EDARADD: variants seen among roughly 807,000 people sequenced by gnomAD.
EDARADD encodes the protein ectodysplasin-A receptor-associated adapter protein.
Under a neutral mutation model 25.6 loss-of-function variants are expected in EDARADD, and 20 were observed. The ratio of observed to expected loss-of-function variants is 0.78; its 90% CI spans 0.55 to 1.14. EDARADD has a LOEUF of 1.14. Ranked by LOEUF, EDARADD falls within the 50% of genes most tolerant of loss-of-function variation. The probability of loss-of-function intolerance (pLI) is 0.00; values close to 1 mark genes in which losing one functional copy is unlikely to be tolerated. For synonymous variants in EDARADD, 86 were observed against 94.4 expected, an observed-to-expected ratio of 0.91 and a Z score of 0.52; for missense variants, 225 against 270.1, an observed-to-expected ratio of 0.83 and a Z score of 1.17.
At chr1:236,394,717 G>C (rs536011208) in intron 1 of EDARADD, among the ~76,000 whole-genome samples, 2 of 152,098 alleles carry the variant, frequency 1.3e-5, no homozygotes, top group Non-Finnish European at 2.9e-5. Context: ...AATGCCTGTC[G>C]CCTTCCTATA....
chr1:236,476,947 G>T (rs934276706), intron 5 of EDARADD, among the ~76,000 whole-genome samples: 23 of 151,054 alleles, frequency 1.5e-4, no homozygotes, highest in African/African-American at 4.9e-4. Flanking sequence ...AGCCATAATT[G>T]CAGCACTGCA....
intron 3 of EDARADD, among the ~76,000 whole-genome samples, chr1:236,420,160 T>C (rs1450454559): frequency 3.9e-5 from 6 of 152,226 alleles, no homozygotes; most frequent in African/African-American, 1.4e-4. Flanking sequence ...CACTCCACCC[T>C]GGACAACAAA....
At chr1:236,458,920 C>T (rs1658959139) in intron 4 of EDARADD, among the ~76,000 whole-genome samples, 1 of 151,830 alleles carries the variant, frequency 6.6e-6, no homozygotes, top group Non-Finnish European at 1.5e-5. Context: ...GGGATTACAG[C>T]CGTGAGCCAC....
At chr1:236,399,265 T>A (rs1667573760) in intron 1 of EDARADD, among the ~76,000 whole-genome samples, 1 of 152,172 alleles carries the variant, frequency 6.6e-6, no homozygotes, top group Non-Finnish European at 1.5e-5. Context: ...CACGGTGACC[T>A]CCACCTCCTG....
At chr1:236,453,281 T>A (rs1658762470) in intron 4 of EDARADD, among the ~76,000 whole-genome samples, 1 of 147,230 alleles carries the variant, frequency 6.8e-6, no homozygotes, top group South Asian at 2.2e-4. Context: ...TTTTTTTCTT[T>A]TTTTTTTTTT....
intron 4 of EDARADD, among the ~76,000 whole-genome samples, chr1:236,448,589 A>G (rs1658627937): frequency 6.6e-6 from 1 of 152,198 alleles, no homozygotes; most frequent in Non-Finnish European, 1.5e-5. Flanking sequence ...AATATAACAA[A>G]ATACATATAT....
chr1:236,442,061 ACAGATTT>A (rs757421752), intron 4 of EDARADD, among the ~76,000 whole-genome samples: 11 of 152,162 alleles, frequency 7.2e-5, no homozygotes, highest in Non-Finnish European at 1.3e-4. Context: ...ATACTAAACA[ACAGATTT>A]CCAGTGTAGA....
intron 1 of EDARADD, 130 bp from the exon 2 acceptor site, chr1:236,409,086 A>T: frequency 8.9e-5 from 44 of 496,728 alleles, no homozygotes; most frequent in Non-Finnish European, 1.2e-4. Context: ...AAAAAAAAAA[A>T]AGGAGTAAGG....
At chr1:236,427,142 AT>A (rs1027406639) in intron 3 of EDARADD, among the ~76,000 whole-genome samples, 5 of 152,182 alleles carry the variant, frequency 3.3e-5, no homozygotes, top group African/African-American at 1.2e-4. Flanking sequence ...CCTGTCTCTT[AT>A]TTTAAAAAAA....
rs188161895 is a variant in EDARADD at position 236,466,214 on chromosome 1, C to T, written c.220-2017C>T. ...TGGTAAAAGAGCCCACATACCTGCC[C>T]GATCCTGCAGGAGTGTTGCAGATGC... On this transcript the variant is annotated intron_variant, in intron 4 of 5. Coordinates refer to ENST00000334232, the MANE Select transcript of EDARADD (RefSeq NM_145861.4). 1.8e-3 allele frequency among the ~76,000 whole-genome samples: 267 copies of T among 152,278 alleles called. 1 individual carries two copies. Among genetic ancestry groups the T allele is most frequent in the Middle Eastern group, 0.017 (5 of 294 alleles).
chr1:236,420,218 C>T (rs1052728485), intron 3 of EDARADD, among the ~76,000 whole-genome samples: 2 of 152,086 alleles, frequency 1.3e-5, no homozygotes, highest in Admixed American at 1.3e-4. Context: ...AAAAAGACTG[C>T]TAATGAAGGT....
rs200728590 is a variant in EDARADD, at chr1:236,468,319, T to C, written c.265+43T>C. The C allele has an allele frequency of 1.9e-6, 3 of 1,596,686 alleles. No individual in the cohort carries two copies. In the African/African-American group the frequency reaches 4.0e-5, roughly 21 times the overall value. On this transcript the variant is annotated intron_variant, in intron 5 of 5. Transcript: ENST00000334232. ...AAGCTATCTGGGCTAATAGCTAGTG[T>C]GGCTGAATAAAAGATAATTTGAGGC...
upstream of EDARADD, among the ~76,000 whole-genome samples, chr1:236,389,754 G>A (rs1056594456): frequency 1.1e-4 from 17 of 152,130 alleles, no homozygotes; most frequent in Admixed American, 5.9e-4. Flanking sequence ...TGTAATCCCA[G>A]TACTTTAGAG....
chr1:236,413,268 T>G (rs147295696), intron 2 of EDARADD, among the ~76,000 whole-genome samples: 32 of 152,370 alleles, frequency 2.1e-4, no homozygotes, highest in African/African-American at 6.0e-4. Context: ...ACTGTAGGAC[T>G]ATTCTGTGTG....
intron 2 of EDARADD, among the ~76,000 whole-genome samples, chr1:236,350,123 A>G (rs1247783923): frequency 1.3e-5 from 2 of 152,140 alleles, no homozygotes; most frequent in Non-Finnish European, 2.9e-5. Flanking sequence ...AAAAACAAAA[A>G]AGAACAATGA....
chr1:236,450,463 T>G (rs763160552), intron 4 of EDARADD, among the ~76,000 whole-genome samples: 13 of 152,194 alleles, frequency 8.5e-5, no homozygotes, highest in Non-Finnish European at 1.8e-4. Flanking sequence ...AAAGAGTTAA[T>G]TTGATGTGAT....
intron 3 of EDARADD, among the ~76,000 whole-genome samples, chr1:236,356,271 A>C (rs1666974599): frequency 6.6e-6 from 1 of 152,180 alleles, no homozygotes; most frequent in Non-Finnish European, 1.5e-5. Context: ...CAGGGGAGGA[A>C]GGGAGGAGAT....
rs1314272837 is a variant in EDARADD, at chr1:236,483,008, C to T, written c.*359C>T. 1 of 620,628 alleles carries T rather than the reference C, an allele frequency of 1.6e-6. No individual in the cohort carries two copies. The highest frequency in any genetic ancestry group is 2.8e-6 in the Non-Finnish European group (1 of 354,756). The allele number at this position is 620,628 out of a possible 1,614,324, so 38.4% of individuals were successfully genotyped here. The stretch of plus-strand genomic sequence containing the variant: ...AAATAGGTCCTGAGACTGTTGATAG[C>T]CCCAGACATACCCACAGCATTATAT... On this transcript the variant is annotated 3_prime_UTR_variant, in exon 6 of 6. Transcript: ENST00000334232.
At chr1:236,426,257 C>T (rs960383906) in intron 3 of EDARADD, among the ~76,000 whole-genome samples, 2 of 152,306 alleles carry the variant, frequency 1.3e-5, no homozygotes, top group East Asian at 1.9e-4. Flanking sequence ...TCATTACAGG[C>T]GTGAGCCACC....
Sources: allele counts gnomAD v4.1 joint callset (sites outside exome capture counted in the v4.1 genomes callset), GRCh38; gene constraint gnomAD v4.1.1; transcripts MANE v1.5; gene names NCBI Gene and HGNC (gene_info 2026-07-23, HGNC 2026-07-21).